The following DGKB variants were observed in gnomAD, a reference collection of about 807,000 sequenced individuals.
DGKB encodes diacylglycerol kinase beta, also known as 90 kDa diacylglycerol kinase.
A neutral mutation model predicts 114.3 loss-of-function variants in DGKB; 67 were observed. The ratio of observed to expected loss-of-function variants is 0.59; its 90% confidence interval spans 0.48 to 0.72. DGKB has a LOEUF of 0.72. DGKB is among the 30% of genes least tolerant of loss of function. The probability of loss-of-function intolerance (pLI) is 0.00; values close to 1 mark genes in which losing one functional copy is unlikely to be tolerated. For missense variants in DGKB, 907 were observed against 975.2 expected (o/e 0.93, Z 0.93); for synonymous variants, 398 against 323.1 (o/e 1.23, Z -2.49).
chr7:14,943,731 G>A (rs1462276798), intron 1 of DGKB, among the ~76,000 whole-genome samples: 1 of 151,740 alleles, frequency 6.6e-6, no homozygotes, highest in Non-Finnish European at 1.5e-5. Context: ...ATTTTGTGAT[G>A]CAGTTGTCAA....
intron 17 of DGKB, among the ~76,000 whole-genome samples, chr7:14,596,827 C>T (rs1365814816): frequency 2.0e-5 from 3 of 152,158 alleles, no homozygotes; most frequent in African/African-American, 7.2e-5. Context: ...ATATTTGCCT[C>T]TCTATGCATT....
chr7:14,582,999 G>T, intron 18 of DGKB, 53 bp downstream of exon 18: 2 of 1,134,050 alleles, frequency 1.8e-6, no homozygotes, highest in Non-Finnish European at 2.7e-6. Flanking sequence ...GATGAAACAG[G>T]ATTTAAAGCT....
In DGKB at chr7:14,408,254, C is replaced by A. The variant is rs1354402059; in HGVS notation, c.1836-62863G>T. ...TTTTATAGAACTTGTCATTAATAAA[C>A]CCTAGGTGTTGGAGGCAGGAAAAAC... On this transcript the variant is annotated intron_variant, in intron 21 of 25. Transcript: ENST00000402815. Among the ~76,000 whole-genome samples the A allele has an allele frequency of 2.0e-5, 3 of 152,060 alleles. No individual in the cohort carries two copies. In the East Asian group the frequency reaches 5.8e-4, roughly 29 times the overall value.
chr7:14,283,970 T>A (rs1308066046), intron 23 of DGKB, among the ~76,000 whole-genome samples: 1 of 152,240 alleles, frequency 6.6e-6, no homozygotes, highest in Non-Finnish European at 1.5e-5. Context: ...ACTTCATGTC[T>A]AAAACACCAA....
At chr7:14,376,881 A>G (rs950165461) in intron 21 of DGKB, among the ~76,000 whole-genome samples, 16 of 152,174 alleles carry the variant, frequency 1.1e-4, no homozygotes, top group African/African-American at 3.6e-4. Context: ...AAAGGACCCA[A>G]CTTGAAAGGG....
At chr7:14,320,783 A>G (rs1807624056) in intron 23 of DGKB, among the ~76,000 whole-genome samples, 1 of 152,120 alleles carries the variant, frequency 6.6e-6, no homozygotes, top group African/African-American at 2.4e-5. Flanking sequence ...AGTGCAGGTC[A>G]TACTGCCTAC....
rs563296903 is a variant in DGKB, at chr7:14,170,201, G to T, written c.2304+6638C>A. The stretch of plus-strand genomic sequence containing the variant: ...AGAAAGAAAGAAAGAAAGAAAGAAA[G>T]AAATACATTAAGCCTCTGAAGAGTG... On this transcript the variant is annotated intron_variant, in intron 25 of 25. Transcript: ENST00000402815. Among the ~76,000 whole-genome samples, 721 of 142,720 alleles carry T rather than the reference G, an allele frequency of 5.1e-3. 7 individuals carry two copies. The highest frequency in any genetic ancestry group is 8.4e-3 in the Non-Finnish European group (552 of 65,506). 93.6% of individuals were successfully genotyped at this position (142,720 alleles called of 152,430 possible). A position where few individuals can be genotyped will look rare whatever the true frequency, so the allele number is the denominator to read the frequency against.
At chr7:14,733,457 C>T (rs1055383494) in intron 5 of DGKB, among the ~76,000 whole-genome samples, 10 of 152,076 alleles carry the variant, frequency 6.6e-5, no homozygotes, top group African/African-American at 2.2e-4. Flanking sequence ...GAGGCTGAGG[C>T]GGGCAGATTG....
intron 1 of DGKB, among the ~76,000 whole-genome samples, chr7:14,900,964 C>T (rs2128237501): frequency 6.6e-6 from 1 of 152,260 alleles, no homozygotes; most frequent in South Asian, 2.1e-4. Context: ...TTCATATAGA[C>T]TTTTCGTTTT....
At chr7:14,639,867 C>T (rs891165202) in intron 13 of DGKB, among the ~76,000 whole-genome samples, 3 of 152,066 alleles carry the variant, frequency 2.0e-5, no homozygotes, top group South Asian at 2.1e-4. Context: ...GAGTGCAATT[C>T]GATTTAGTAA....
intron 23 of DGKB, among the ~76,000 whole-genome samples, chr7:14,315,977 T>A (rs1404855388): frequency 6.6e-6 from 1 of 151,660 alleles, no homozygotes. Context: ...GGATTAAGAA[T>A]TTCACTCAAA....
intron 6 of DGKB, among the ~76,000 whole-genome samples, chr7:14,703,454 A>G (rs529695563): frequency 2.6e-5 from 4 of 152,330 alleles, no homozygotes; most frequent in African/African-American, 9.6e-5. Context: ...TTTTCTGAAA[A>G]TCACACTTTA....
intron 5 of DGKB, among the ~76,000 whole-genome samples, chr7:14,732,825 T>C (rs1386725908): frequency 6.6e-6 from 1 of 152,214 alleles, no homozygotes; most frequent in Non-Finnish European, 1.5e-5. Flanking sequence ...ATTCAGTAGA[T>C]AATATAGGCT....
At chr7:14,947,375 TG>T (rs1474913989) in intron 1 of DGKB, among the ~76,000 whole-genome samples, 2 of 151,754 alleles carry the variant, frequency 1.3e-5, no homozygotes, top group African/African-American at 4.8e-5. Flanking sequence ...GCATTCCATT[TG>T]TTTCTGGTTG....
Position 14,185,904 on chromosome 7 carries a change from C to G in DGKB, c.2123-7753G>C, listed in dbSNP as rs10235965. The stretch of plus-strand genomic sequence containing the variant: ...AAGGACTTAAACCTAAGACCTGAAA[C>G]TATAAAAATTCTAGAAGATAACATT... On this transcript the variant is annotated intron_variant, in intron 23 of 25. Transcript: ENST00000402815. 2.1e-3 allele frequency among the ~76,000 whole-genome samples: 317 copies of G among 152,256 alleles called. 1 individual carries two copies. Among genetic ancestry groups the G allele is most frequent in the African/African-American group, 7.3e-3 (304 of 41,550 alleles).
Position 14,851,039 on chromosome 7 carries a change from G to A in DGKB, c.-187-9589C>T, listed in dbSNP as rs1849280657. Among the ~76,000 whole-genome samples, 4 of 152,090 alleles carry A rather than the reference G, an allele frequency of 2.6e-5. No homozygotes were observed. In the South Asian group the frequency reaches 8.3e-4, roughly 32 times the overall value. On this transcript the variant is annotated intron_variant, in intron 1 of 25. Coordinates refer to ENST00000402815, the MANE Select transcript of DGKB (RefSeq NM_001350709.2). ...TGTGCACAGTACATAACAAATAAGA[G>A]ACTCTCAATAATGGTTATTTTCTCT...
chr7:14,298,165 A>G (rs548169697), intron 23 of DGKB, among the ~76,000 whole-genome samples: 2 of 152,338 alleles, frequency 1.3e-5, no homozygotes, highest in African/African-American at 4.8e-5. Flanking sequence ...GATTCCCACC[A>G]AGCTACCATT....
At chr7:14,794,596 G>A (rs1033104714) in intron 2 of DGKB, among the ~76,000 whole-genome samples, 1 of 152,128 alleles carries the variant, frequency 6.6e-6, no homozygotes, top group Non-Finnish European at 1.5e-5. Context: ...CTGAAGTATA[G>A]CCTTATCTCC....
intron 1 of DGKB, among the ~76,000 whole-genome samples, chr7:14,933,549 T>C (rs1785135505): frequency 6.6e-6 from 1 of 152,206 alleles, no homozygotes; most frequent in African/African-American, 2.4e-5. Flanking sequence ...TTGTGCTAAT[T>C]GCATCACTCC....
Sources: allele counts gnomAD v4.1 joint callset (sites outside exome capture counted in the v4.1 genomes callset), GRCh38; gene constraint gnomAD v4.1.1; transcripts MANE v1.5; gene names NCBI Gene and HGNC (gene_info 2026-07-23, HGNC 2026-07-21).